LETMD1: variants seen among roughly 807,000 people sequenced by gnomAD.
LETMD1 encodes LETM1 domain containing 1.
A neutral mutation model predicts 43.9 loss-of-function variants in LETMD1; 30 were observed. The ratio of observed to expected loss-of-function variants is 0.68; its 90% CI spans 0.51 to 0.93. LETMD1 has a LOEUF of 0.93. Among genes scored for constraint, LETMD1 ranks in the 40% least tolerant of loss-of-function variants. The probability of loss-of-function intolerance (pLI) is 0.00; values close to 1 mark genes in which losing one functional copy is unlikely to be tolerated. For synonymous variants in LETMD1, 176 were observed against 163.1 expected (o/e 1.08, Z -0.60); for missense variants, 413 against 447.7 (o/e 0.92, Z 0.70).
In LETMD1 at chr12:51,056,428, A is replaced by T. The variant is rs202105831; in HGVS notation, c.841A>T (p.Thr281Ser). ...LLRHRLKTHT[T>S]VIHQLDKALA... ...GAGACATCGTTTGAAGACTCATACA[A>T]CTGTGATTCACCAACTGGACAAGGC... Residue 281 changes from threonine (T) to serine (S), a missense_variant, in exon 7 of 9, where the codon ACT becomes TCT. By Grantham distance (58) the Thr-to-Ser change is moderately conservative. Coordinates refer to ENST00000262055, the MANE Select transcript of LETMD1 (RefSeq NM_015416.5). 431 of 1,614,010 alleles carry T rather than the reference A, an allele frequency of 2.7e-4. No individual in the cohort carries two copies. The highest frequency in any genetic ancestry group is 3.5e-4 in the Non-Finnish European group (418 of 1,180,024).
chr12:51,058,448 C>T lies in LETMD1; in HGVS notation c.1012+320C>T, dbSNP rs535646340. 2.8e-4 allele frequency: 69 copies of T among 250,614 alleles called. 1 individual carries two copies. Among genetic ancestry groups the T allele is most frequent in the African/African-American group, 1.2e-3 (54 of 43,910 alleles). 15.5% of individuals were successfully genotyped at this position (250,614 alleles called of 1,614,324 possible). A position where few individuals can be genotyped will look rare whatever the true frequency, so the allele number is the denominator to read the frequency against. ...ATTTATTTATTTTGAGACGGGGTTTCGCTCTTGTTGCCCAGGCTGGAGTGC... is the reference window on the plus strand; with the variant it reads ...ATTTATTTATTTTGAGACGGGGTTTTGCTCTTGTTGCCCAGGCTGGAGTGC... On this transcript the variant is annotated intron_variant, in intron 8 of 8. Coordinates refer to ENST00000262055, the MANE Select transcript of LETMD1 (RefSeq NM_015416.5).
At chr12:51,055,480 T>C (rs1437519981) in intron 4 of LETMD1, among the ~76,000 whole-genome samples, 2 of 151,462 alleles carry the variant, frequency 1.3e-5, no homozygotes, top group Non-Finnish European at 2.9e-5. Flanking sequence ...CCCTGGGCAA[T>C]ATAGCAAGAC....
At chr12:51,064,529 C>G, downstream of LETMD1, 1 of 1,613,436 alleles carries the variant, frequency 6.2e-7, no homozygotes, top group African/African-American at 1.3e-5. Flanking sequence ...GGCGGCTCAC[C>G]TGCCGCTTGC....
chr12:51,049,953 A>G (rs1223250698), intron 2 of LETMD1, among the ~76,000 whole-genome samples: 1 of 152,232 alleles, frequency 6.6e-6, no homozygotes, highest in Non-Finnish European at 1.5e-5. Flanking sequence ...TTGGTGCAAA[A>G]GTAATTGCGG....
At chr12:51,064,405 T>C, downstream of LETMD1, 1 of 1,613,950 alleles carries the variant, frequency 6.2e-7, no homozygotes, top group African/African-American at 1.3e-5. Context: ...TGCAGGTGCA[T>C]CACTGCTGTC....
chr12:51,059,576 G>C lies in LETMD1; in HGVS notation c.*145G>C. On this transcript the variant is annotated 3_prime_UTR_variant, in exon 9 of 9. Transcript: ENST00000262055. ...GCAGGGGCCATGGGCTTCACAGCAT[G>C]GCACACATGTGGGAACTGCAGACAT... 2 of 717,022 alleles carry C rather than the reference G, an allele frequency of 2.8e-6. No homozygotes were observed. Among genetic ancestry groups the C allele is most frequent in the Non-Finnish European group, 5.0e-6 (2 of 399,482 alleles). 44.4% of individuals were successfully genotyped at this position (717,022 alleles called of 1,614,324 possible).
chr12:51,049,417 TATAGGTATGTTCTCGTAC>T, intron 2 of LETMD1: 5 of 455,170 alleles, frequency 1.1e-5, no homozygotes, highest in East Asian at 3.7e-5. Context: ...GGAGGGAGAA[TATAGGTATGTTCTCGTAC>T]TTTCTTAACC....
At chr12:51,064,133 C>T, downstream of LETMD1, 1 of 1,614,156 alleles carries the variant, frequency 6.2e-7, no homozygotes, top group Non-Finnish European at 8.5e-7. Flanking sequence ...AGACCAGGGG[C>T]CCACTGTTCA....
chr12:51,067,780 GCTTCT>G, the LETMD1 span: 2 of 1,614,232 alleles, frequency 1.2e-6, no homozygotes, highest in Non-Finnish European at 1.7e-6. The surrounding 1 kb of genome is among the most constrained non-coding windows in gnomAD (Gnocchi z 4.1). Flanking sequence ...CGAAGTTCTT[GCTTCT>G]CTTCAGCATC....
Position 51,048,391 on chromosome 12 carries a change from C to T in LETMD1, c.35C>T (p.Ala12Val). 1.2e-6 allele frequency: 2 copies of T among 1,614,126 alleles called. No individual in the cohort carries two copies. The highest frequency in any genetic ancestry group is 1.7e-6 in the Non-Finnish European group (2 of 1,180,016). Residue 12 changes from alanine to valine, a missense_variant, in exon 1 of 9, where the codon GCT (alanine) becomes GTT (valine). By Grantham distance (64) the Ala-to-Val change is moderately conservative. Transcript: ENST00000262055. ...TCCAGGGTGTGCTGGGCTCGGTCGGCTGTGTGGGGCTCGGCAGTCACCCCT... is the reference window on the plus strand; with the variant it reads ...TCCAGGGTGTGCTGGGCTCGGTCGGTTGTGTGGGGCTCGGCAGTCACCCCT... The part of the protein sequence containing the change: ...ALSRVCWARS[A>V]VWGSAVTPGH...
intron 3 of LETMD1, among the ~76,000 whole-genome samples, chr12:51,052,735 C>T (rs1946523236): frequency 6.6e-6 from 1 of 151,440 alleles, no homozygotes; most frequent in Non-Finnish European, 1.5e-5. Flanking sequence ...GAGCCAAAAT[C>T]ATGCCATTGC....
the LETMD1 span, among the ~76,000 whole-genome samples, chr12:51,066,607 C>T: frequency 6.7e-6 from 1 of 150,160 alleles, no homozygotes; most frequent in Non-Finnish European, 1.5e-5. Context: ...CGCCACTGCA[C>T]TCCAGCCTGG....
intron 2 of LETMD1, among the ~76,000 whole-genome samples, chr12:51,051,850 C>G (rs183308402): frequency 6.6e-6 from 1 of 152,284 alleles, no homozygotes; most frequent in Admixed American, 6.5e-5. Context: ...AGAGGGAGAC[C>G]ATTCCATAGC....
chr12:51,064,631 A>G (rs761211045), downstream of LETMD1: 4 of 1,537,314 alleles, frequency 2.6e-6, no homozygotes, highest in African/African-American at 5.5e-5. Flanking sequence ...TCCCACAGCC[A>G]TCCCGGGAGC....
chr12:51,051,297 G>A (rs940199805), intron 2 of LETMD1, among the ~76,000 whole-genome samples: 2 of 151,940 alleles, frequency 1.3e-5, no homozygotes, highest in South Asian at 2.1e-4. Flanking sequence ...CCAGCTACTC[G>A]GAAGGCTGAG....
intron 3 of LETMD1, among the ~76,000 whole-genome samples, chr12:51,052,960 G>C (rs1434432574): frequency 6.6e-6 from 1 of 151,280 alleles, no homozygotes; most frequent in Non-Finnish European, 1.5e-5. Context: ...TCAAAAATTA[G>C]CTGGGCATGA....
intron 7 of LETMD1, 27 bp from the exon 8 acceptor site, chr12:51,058,005 G>A (rs781073785): frequency 3.0e-6 from 4 of 1,327,796 alleles, no homozygotes; most frequent in Non-Finnish European, 4.4e-6. Flanking sequence ...TGATTATTAA[G>A]GACCATTTCT....
At chr12:51,050,103 G>T (rs367865128) in intron 2 of LETMD1, among the ~76,000 whole-genome samples, 1 of 152,088 alleles carries the variant, frequency 6.6e-6, no homozygotes, top group East Asian at 1.9e-4. Context: ...TCATGGACTT[G>T]AAAAATTACT....
chr12:51,064,001 G>C (rs140038177), downstream of LETMD1: 2 of 1,614,140 alleles, frequency 1.2e-6, no homozygotes, highest in Non-Finnish European at 1.7e-6. Context: ...TACAAGCCAC[G>C]AGTGAGGTAA....
Sources: gnomAD v4.1 joint callset for allele counts (sites outside exome capture counted in the v4.1 genomes callset) on GRCh38, gnomAD v4.1.1 for gene constraint, Gnocchi (gnomAD v3.1) non-coding constraint, MANE v1.5 for transcripts, NCBI Gene and HGNC (gene_info 2026-07-23, HGNC 2026-07-21) for gene names.